Variants in TAFA2 observed in about 807,000 individuals in gnomAD.
TAFA2 encodes TAFA chemokine like family member 2.
Under a neutral mutation model 18.8 loss-of-function variants are expected in TAFA2, and 7 were observed. That is an observed-to-expected ratio of 0.37 (90% CI 0.21 to 0.70). The LOEUF (loss-of-function observed/expected upper bound fraction) is 0.70. Among genes scored for constraint, TAFA2 ranks in the 30% least tolerant of loss-of-function variants. The probability of loss-of-function intolerance (pLI) is 0.53; values close to 1 mark genes in which losing one functional copy is unlikely to be tolerated. For missense variants in TAFA2, 122 were observed against 158.1 expected (o/e 0.77, Z 1.23); for synonymous variants, 60 against 54.2 (o/e 1.11, Z -0.47).
chr12:61,891,257 C>A (rs10784272), intron 1 of TAFA2, among the ~76,000 whole-genome samples: 91,002 of 152,044 alleles, frequency 0.6, 29,849 homozygotes, highest in African/African-American at 0.88. Flanking sequence ...AGAAGAAAAG[C>A]AGCAGCAGAA....
intron 1 of TAFA2, among the ~76,000 whole-genome samples, chr12:62,090,556 T>C (rs918794903): frequency 1.3e-5 from 2 of 152,010 alleles, no homozygotes; most frequent in Non-Finnish European, 2.9e-5. Context: ...CCATTTTCCT[T>C]TGGCAATCAA....
rs146455256 is a variant in TAFA2, at chr12:61,746,204, G to A, written c.384+7418C>T. ...TGAGTGAGTCTCATGAGATCTGATG[G>A]TTTTATAAGCATCTGGCATTTCCCT... On this transcript the variant is annotated intron_variant, in intron 4 of 4. Transcript: ENST00000416284. Among the ~76,000 whole-genome samples, 284 of 152,136 alleles carry A rather than the reference G, an allele frequency of 1.9e-3. 3 individuals are homozygous for A. Among genetic ancestry groups the A allele is most frequent in the African/African-American group, 6.4e-3 (267 of 41,538 alleles).
intron 1 of TAFA2, among the ~76,000 whole-genome samples, chr12:62,140,636 C>T (rs1216098572): frequency 6.6e-6 from 1 of 152,186 alleles, no homozygotes; most frequent in Non-Finnish European, 1.5e-5. Context: ...CTCTGCCTCA[C>T]TGTCTGCTTC....
At chr12:62,118,266 A>C (rs959162351) in intron 1 of TAFA2, among the ~76,000 whole-genome samples, 2 of 152,138 alleles carry the variant, frequency 1.3e-5, no homozygotes, top group African/African-American at 4.8e-5. Flanking sequence ...ATTTTTGTGC[A>C]GTATTATATT....
At chr12:62,060,881 C>T (rs1475026289) in intron 1 of TAFA2, among the ~76,000 whole-genome samples, 2 of 151,386 alleles carry the variant, frequency 1.3e-5, no homozygotes, top group Admixed American at 6.6e-5. Flanking sequence ...TAAGAACATC[C>T]CATGTACCCC....
chr12:62,174,650 A>G (rs2062500292), intron 1 of TAFA2, among the ~76,000 whole-genome samples: 1 of 152,232 alleles, frequency 6.6e-6, no homozygotes. Flanking sequence ...CTAAAATTTG[A>G]ATGCCCTCAA....
At chr12:62,100,791 A>G (rs961089538) in intron 1 of TAFA2, among the ~76,000 whole-genome samples, 2 of 152,210 alleles carry the variant, frequency 1.3e-5, no homozygotes, top group Non-Finnish European at 2.9e-5. Flanking sequence ...AGTGCCAGTT[A>G]TATGGACTAC....
chr12:61,899,956 GGA>G (rs1475346174), intron 1 of TAFA2, among the ~76,000 whole-genome samples: 1 of 152,132 alleles, frequency 6.6e-6, no homozygotes, highest in Non-Finnish European at 1.5e-5. Flanking sequence ...AGCATCTGTG[GGA>G]GATTCTAAAA....
At chr12:61,945,950 A>G (rs1224544593) in intron 1 of TAFA2, among the ~76,000 whole-genome samples, 1 of 145,520 alleles carries the variant, frequency 6.9e-6, no homozygotes, top group South Asian at 2.2e-4. Context: ...GAATTGGAAA[A>G]AACTACTTTA....
chr12:62,179,004 A>G (rs978053642), intron 1 of TAFA2, among the ~76,000 whole-genome samples: 3 of 152,192 alleles, frequency 2.0e-5, no homozygotes, highest in African/African-American at 7.2e-5. Flanking sequence ...TGAGGATCGC[A>G]CTCATTTCTA....
chr12:61,937,151 C>T (rs1287623622), intron 1 of TAFA2, among the ~76,000 whole-genome samples: 1 of 152,070 alleles, frequency 6.6e-6, no homozygotes, highest in Non-Finnish European at 1.5e-5. Context: ...TGAAAGAAAT[C>T]ATATGACACG....
intron 1 of TAFA2, among the ~76,000 whole-genome samples, chr12:61,908,689 T>C (rs1318413487): frequency 6.6e-6 from 1 of 152,146 alleles, no homozygotes; most frequent in Non-Finnish European, 1.5e-5. Context: ...ACACCCAAAA[T>C]ATAATACCAA....
chr12:62,102,297 A>T (rs997736129), intron 1 of TAFA2, among the ~76,000 whole-genome samples: 1 of 152,228 alleles, frequency 6.6e-6, no homozygotes, highest in Non-Finnish European at 1.5e-5. Context: ...TTCTGGGTCC[A>T]TTAAAAAATC....
chr12:61,955,701 C>T (rs1878672206), intron 1 of TAFA2, among the ~76,000 whole-genome samples: 2 of 126,368 alleles, frequency 1.6e-5, no homozygotes, highest in South Asian at 4.9e-4. Flanking sequence ...TGTGCAAGAA[C>T]CCAACAGTCA....
rs562146944 is a variant in TAFA2, at chr12:61,863,924, A to G, written c.106+3396T>C. 5.3e-5 allele frequency among the ~76,000 whole-genome samples: 8 copies of G among 152,238 alleles called. No individual in the cohort carries two copies. The East Asian group carries it at 1.5e-3, about 29-fold the overall frequency. On this transcript the variant is annotated intron_variant, in intron 2 of 4. Coordinates refer to ENST00000416284, the MANE Select transcript of TAFA2 (RefSeq NM_178539.5). The stretch of plus-strand genomic sequence containing the variant: ...ATCTATCTTGCCTCAAGGAGGGACC[A>G]TCTCTGTGGAGCAATTCATGCCTCG...
intron 1 of TAFA2, among the ~76,000 whole-genome samples, chr12:62,020,172 C>T (rs2136727713): frequency 6.6e-6 from 1 of 152,230 alleles, no homozygotes; most frequent in South Asian, 2.1e-4. Context: ...AAGTTCTATA[C>T]TGGTACTAGG....
At chr12:62,132,316 G>A (rs981311216) in intron 1 of TAFA2, among the ~76,000 whole-genome samples, 1 of 149,646 alleles carries the variant, frequency 6.7e-6, no homozygotes, top group Non-Finnish European at 1.5e-5. Flanking sequence ...AAAAAAATGA[G>A]TTTCCAGGAG....
chr12:61,780,244 G>A (rs752574439), intron 2 of TAFA2, among the ~76,000 whole-genome samples: 34 of 151,674 alleles, frequency 2.2e-4, no homozygotes, highest in Non-Finnish European at 3.5e-4. Flanking sequence ...TATCACATGC[G>A]GAAGAAACTA....
chr12:62,118,403 G>A (rs1378627375), intron 1 of TAFA2, among the ~76,000 whole-genome samples: 1 of 151,900 alleles, frequency 6.6e-6, no homozygotes. Flanking sequence ...ATTGTTTCCA[G>A]GCTATTCCAT....
Sources: allele counts gnomAD v4.1 joint callset (sites outside exome capture counted in the v4.1 genomes callset), GRCh38; gene constraint gnomAD v4.1.1; transcripts MANE v1.5; gene names NCBI Gene and HGNC (gene_info 2026-07-23, HGNC 2026-07-21).